Variants in PSMD1 observed in about 807,000 individuals in gnomAD.
PSMD1 encodes 26S proteasome non-ATPase regulatory subunit 1.
Under a neutral mutation model 119.0 loss-of-function variants are expected in PSMD1, and 18 were observed. The observed-to-expected ratio is 0.15, with a 90% CI of 0.10 to 0.22. PSMD1 has a LOEUF of 0.22. Among genes scored for constraint, PSMD1 ranks in the 10% least tolerant of loss-of-function variants. The probability of loss-of-function intolerance (pLI) is 1.00; values close to 1 mark genes in which losing one functional copy is unlikely to be tolerated. For missense variants in PSMD1, 702 were observed against 1,158.5 expected (o/e 0.61, Z 5.72); for synonymous variants, 374 against 396.6 (o/e 0.94, Z 0.68).
intron 22 of PSMD1, among the ~76,000 whole-genome samples, chr2:231,165,660 T>C (rs1482518912): frequency 6.6e-6 from 1 of 152,188 alleles, no homozygotes; most frequent in Admixed American, 6.5e-5. Context: ...AAAACCTTTT[T>C]AATCCTTTAA....
At chr2:231,137,754 T>C (rs952669927) in intron 16 of PSMD1, among the ~76,000 whole-genome samples, 23 of 152,226 alleles carry the variant, frequency 1.5e-4, no homozygotes, top group African/African-American at 5.5e-4. Context: ...GAATACCCAG[T>C]GTTTAGCTCT....
chr2:231,135,655 A>G lies in PSMD1; in HGVS notation c.1884-3081A>G, dbSNP rs574894868. 7.2e-5 allele frequency among the ~76,000 whole-genome samples: 11 copies of G among 152,282 alleles called. 1 individual carries two copies. The South Asian group carries it at 1.2e-3, about 17-fold the overall frequency. On this transcript the variant is annotated intron_variant, in intron 16 of 24. Coordinates refer to ENST00000308696, the MANE Select transcript of PSMD1 (RefSeq NM_002807.4). ...AAACAGTCAAGAAAATCTATCTCTA[A>G]TTATAAAGGAGAAAACCCAAGTGAT...
chr2:231,122,249 G>T (rs2125230632), intron 16 of PSMD1, among the ~76,000 whole-genome samples: 1 of 152,170 alleles, frequency 6.6e-6, no homozygotes, highest in Non-Finnish European at 1.5e-5. Context: ...GGTAAATGTT[G>T]ATTTAAAATG....
chr2:231,058,625 AC>A (rs1207861285), intron 1 of PSMD1, among the ~76,000 whole-genome samples: 1 of 151,882 alleles, frequency 6.6e-6, no homozygotes, highest in Non-Finnish European at 1.5e-5. Flanking sequence ...AAAAGGTTGG[AC>A]ACCCCTGGCA....
intron 1 of PSMD1, among the ~76,000 whole-genome samples, chr2:231,059,653 G>C (rs1191373372): frequency 6.6e-6 from 1 of 152,170 alleles, no homozygotes; most frequent in Non-Finnish European, 1.5e-5. Context: ...CCCAGAGGCA[G>C]GTATTCCCAA....
chr2:231,073,628 G>T (rs1694092270), intron 7 of PSMD1, among the ~76,000 whole-genome samples: 1 of 152,036 alleles, frequency 6.6e-6, no homozygotes, highest in African/African-American at 2.4e-5. Context: ...CAGGAATATG[G>T]TGATCTTTTT....
chr2:231,138,754 A>C lies in PSMD1; in HGVS notation c.1902A>C (p.Pro634=). Residue 634 remains proline (P), a synonymous_variant, in exon 17 of 25, where the codon CCA becomes CCC. Coordinates refer to ENST00000308696, the MANE Select transcript of PSMD1 (RefSeq NM_002807.4). ...TTATCAGAACCCCTGAACAGTGCCC[A>C]AGTGTTGTCTCTTTGTTGTCAGAGA... The part of the protein sequence containing the change: ...FILFRTPEQC[P]SVVSLLSESY... The C allele has an allele frequency of 1.9e-6, 3 of 1,614,084 alleles. No individual in the cohort carries two copies. Among genetic ancestry groups the C allele is most frequent in the Non-Finnish European group, 2.5e-6 (3 of 1,179,930 alleles).
chr2:231,126,432 C>A (rs897721492), intron 16 of PSMD1, among the ~76,000 whole-genome samples: 2 of 151,342 alleles, frequency 1.3e-5, no homozygotes, highest in Admixed American at 1.3e-4. Context: ...AGAATGAGAT[C>A]TTGTCTCCAA....
intron 7 of PSMD1, among the ~76,000 whole-genome samples, chr2:231,074,275 T>G (rs1440178537): frequency 6.6e-6 from 1 of 152,052 alleles, no homozygotes; most frequent in Non-Finnish European, 1.5e-5. Context: ...CCGGCTAATT[T>G]TTATATTGTT....
intron 16 of PSMD1, chr2:231,109,490 T>C: frequency 8.3e-7 from 1 of 1,203,390 alleles, no homozygotes; most frequent in Non-Finnish European, 1.2e-6. Flanking sequence ...ATTGTATCCT[T>C]ATAACTTTAT....
rs746519493 is a variant in PSMD1, at chr2:231,165,321, A to G, written c.2568+35A>G. The G allele has an allele frequency of 5.8e-6, 9 of 1,544,410 alleles. No individual in the cohort carries two copies. The Admixed American group carries it at 1.3e-4, about 22-fold the overall frequency. ...AATTGGTGGTCATATGGATTGAAGTATCTCTGTCTCTGTCATGGTCGAGAT... is the reference window on the plus strand; with the variant it reads ...AATTGGTGGTCATATGGATTGAAGTGTCTCTGTCTCTGTCATGGTCGAGAT... On this transcript the variant is annotated intron_variant, in intron 22 of 24. Transcript: ENST00000308696.
intron 23 of PSMD1, among the ~76,000 whole-genome samples, chr2:231,169,915 C>T (rs951046631): frequency 2.0e-5 from 3 of 152,120 alleles, no homozygotes; most frequent in Non-Finnish European, 2.9e-5. Context: ...ATTTTTTCAT[C>T]GGCTTGCATC....
At chr2:231,068,293 T>C (rs1030503302) in intron 5 of PSMD1, among the ~76,000 whole-genome samples, 2 of 152,228 alleles carry the variant, frequency 1.3e-5, no homozygotes, top group African/African-American at 4.8e-5. Flanking sequence ...AGTGAATGAA[T>C]GAATGGCCTA....
At chr2:231,099,957 G>A (rs1694824750) in intron 16 of PSMD1, among the ~76,000 whole-genome samples, 1 of 152,118 alleles carries the variant, frequency 6.6e-6, no homozygotes. Flanking sequence ...GCTGCAGTAT[G>A]TGAAGATCCT....
At chr2:231,076,306 A>G (rs1694165373) in intron 8 of PSMD1, among the ~76,000 whole-genome samples, 1 of 152,174 alleles carries the variant, frequency 6.6e-6, no homozygotes, top group Non-Finnish European at 1.5e-5. Flanking sequence ...TTGGTTCCTG[A>G]TGCTCAGGTG....
intron 16 of PSMD1, among the ~76,000 whole-genome samples, chr2:231,137,407 GC>G (rs933180565): frequency 1.3e-5 from 2 of 152,076 alleles, no homozygotes; most frequent in Non-Finnish European, 2.9e-5. Flanking sequence ...GAGCCACTGT[GC>G]CCGCCTTTAA....
chr2:231,149,978 G>A (rs1190851117), intron 18 of PSMD1, among the ~76,000 whole-genome samples: 1 of 152,150 alleles, frequency 6.6e-6, no homozygotes, highest in Non-Finnish European at 1.5e-5. Context: ...ATGACAGCAT[G>A]TCATTGGAAA....
At chr2:231,107,900 T>A (rs1695014701) in intron 16 of PSMD1, among the ~76,000 whole-genome samples, 1 of 152,246 alleles carries the variant, frequency 6.6e-6, no homozygotes, top group South Asian at 2.1e-4. Context: ...TATCAGTCAT[T>A]TAACAAACAG....
chr2:231,104,189 G>C (rs1694929353), intron 16 of PSMD1, among the ~76,000 whole-genome samples: 1 of 152,138 alleles, frequency 6.6e-6, no homozygotes, highest in Non-Finnish European at 1.5e-5. Context: ...ATAGGAAGTT[G>C]ACGGTCATTT....
Sources: gnomAD v4.1 joint callset for allele counts (sites outside exome capture counted in the v4.1 genomes callset) on GRCh38, gnomAD v4.1.1 for gene constraint, MANE v1.5 for transcripts, NCBI Gene and HGNC (gene_info 2026-07-23, HGNC 2026-07-21) for gene names.